The following CALN1 variants were observed in gnomAD, a reference collection of about 807,000 sequenced individuals.
The protein encoded by CALN1 is calcium-binding protein 8.
Under a neutral mutation model 30.6 loss-of-function variants are expected in CALN1, and 17 were observed. That is an observed-to-expected ratio of 0.56 (90% CI 0.38 to 0.83). The LOEUF is 0.83. CALN1 is among the 40% of genes least tolerant of loss of function. The pLI is 0.00. For missense variants in CALN1, 291 were observed against 354.9 expected, an observed-to-expected ratio of 0.82 and a Z score of 1.45; for synonymous variants, 156 against 131.4, an observed-to-expected ratio of 1.19 and a Z score of -1.28.
Position 71,979,869 on chromosome 7 carries a change from CTTTTTTTTTTT to C in CALN1, c.501+43777_501+43787del, listed in dbSNP as rs555621436. Among the ~76,000 whole-genome samples, 9 of 89,682 alleles carry C rather than the reference CTTTTTTTTTTT, an allele frequency of 1.0e-4. No homozygotes were observed. In the South Asian group the frequency reaches 3.5e-3, roughly 35 times the overall value. The allele number at this position is 89,682 out of a possible 152,430, so 58.8% of individuals were successfully genotyped here. ...ATAAAATCTCAGACACATCAGGATT[CTTTTTTTTTTT>C]TTTTTTTTTTTTTTTGAGACAGAGT... is the stretch of plus-strand genomic sequence containing the variant. On this transcript the variant is annotated intron_variant, in intron 5 of 6. Transcript: ENST00000395275.
At chr7:72,021,811 G>A (rs1185838762) in intron 5 of CALN1, among the ~76,000 whole-genome samples, 1 of 152,140 alleles carries the variant, frequency 6.6e-6, no homozygotes, top group Non-Finnish European at 1.5e-5. Flanking sequence ...TTTCAGCTGT[G>A]CATAGACTTC....
chr7:72,380,321 A>G (rs1804808773), intron 2 of CALN1, among the ~76,000 whole-genome samples: 1 of 152,182 alleles, frequency 6.6e-6, no homozygotes, highest in Admixed American at 6.6e-5. Flanking sequence ...ATTCTCAAAG[A>G]AAGAGCCTAT....
chr7:71,792,265 G>C (rs1279897521), intron 6 of CALN1, among the ~76,000 whole-genome samples: 2 of 152,124 alleles, frequency 1.3e-5, no homozygotes, highest in Admixed American at 6.6e-5. Context: ...GGGATAAACT[G>C]TAAGTCTAAG....
chr7:72,252,545 G>A (rs1441574612), intron 3 of CALN1, among the ~76,000 whole-genome samples: 2 of 151,462 alleles, frequency 1.3e-5, no homozygotes, highest in East Asian at 3.9e-4. Context: ...GTGGGTGGAG[G>A]TTGCAGTGGG....
chr7:71,915,568 T>C (rs1037665106), intron 5 of CALN1, among the ~76,000 whole-genome samples: 16 of 152,020 alleles, frequency 1.1e-4, no homozygotes, highest in Admixed American at 8.5e-4. Flanking sequence ...CTTGCCTCTA[T>C]TGAAAATACT....
At chr7:72,389,274 C>CA (rs1296201567) in intron 2 of CALN1, among the ~76,000 whole-genome samples, 1 of 152,304 alleles carries the variant, frequency 6.6e-6, no homozygotes, top group African/African-American at 2.4e-5. Context: ...GCCTCTTTCT[C>CA]ATTTTGCCCT....
chr7:71,899,665 A>C (rs1169662931), intron 5 of CALN1, among the ~76,000 whole-genome samples: 2 of 152,212 alleles, frequency 1.3e-5, no homozygotes, highest in African/African-American at 4.8e-5. Flanking sequence ...AATCACTCTA[A>C]AGTTCATATG....
intron 5 of CALN1, among the ~76,000 whole-genome samples, chr7:71,865,315 A>G (rs1791524597): frequency 2.0e-5 from 3 of 152,074 alleles, no homozygotes; most frequent in Admixed American, 1.3e-4. Flanking sequence ...TCCCCTCTCT[A>G]TCTCTTCCTC....
chr7:71,965,148 C>T (rs986924822), intron 5 of CALN1, among the ~76,000 whole-genome samples: 1 of 152,156 alleles, frequency 6.6e-6, no homozygotes, highest in African/African-American at 2.4e-5. Flanking sequence ...CTGCCTCCAC[C>T]TTCCAAGTAG....
At chr7:71,865,193 G>T (rs1005752911) in intron 5 of CALN1, among the ~76,000 whole-genome samples, 1 of 152,180 alleles carries the variant, frequency 6.6e-6, no homozygotes, top group African/African-American at 2.4e-5. Context: ...GGGTCTGGAG[G>T]AGATACTTGG....
intron 5 of CALN1, among the ~76,000 whole-genome samples, chr7:71,954,353 G>A (rs978918616): frequency 3.3e-5 from 5 of 152,120 alleles, no homozygotes; most frequent in African/African-American, 1.2e-4. Context: ...CCAGCTGCTA[G>A]GGAGGCTGAG....
chr7:72,280,778 G>A (rs1797680057), intron 2 of CALN1, among the ~76,000 whole-genome samples: 1 of 152,098 alleles, frequency 6.6e-6, no homozygotes, highest in Non-Finnish European at 1.5e-5. Flanking sequence ...GAGGTGATTA[G>A]GTCATGAGGA....
intron 3 of CALN1, among the ~76,000 whole-genome samples, chr7:72,222,757 A>C (rs978408714): frequency 1.3e-5 from 2 of 152,204 alleles, no homozygotes; most frequent in Admixed American, 1.3e-4. Flanking sequence ...GTGGTGGCTC[A>C]TACCTGTAAT....
chr7:71,944,594 C>CAAAAAAAAAAAAAAAAAAAAA (rs10677940), intron 5 of CALN1, among the ~76,000 whole-genome samples: 1 of 60,002 alleles, frequency 1.7e-5, no homozygotes, highest in Admixed American at 2.5e-4. Context: ...AACTCCATCC[C>CAAAAAAAAAAAAAAAAAAAAA]AAAAAAAAAA....
chr7:72,177,752 G>GAA lies in CALN1; in HGVS notation c.245-71460_245-71459dup, dbSNP rs71517077. ...TTCACTCCAGCCTGGGCGACAGAGG[G>GAA]AAAAAAAAAAAAAAAAAAGGACATT... On this transcript the variant is annotated intron_variant, in intron 3 of 6. Coordinates refer to ENST00000395275, the MANE Select transcript of CALN1 (RefSeq NM_031468.4). Among the ~76,000 whole-genome samples the GAA allele has an allele frequency of 7.9e-3, 1,044 of 132,064 alleles. 7 individuals carry two copies. Among genetic ancestry groups the GAA allele is most frequent in the Non-Finnish European group, 0.012 (746 of 62,248 alleles). 86.6% of individuals were successfully genotyped at this position (132,064 alleles called of 152,430 possible). A position where few individuals can be genotyped will look rare whatever the true frequency, so the allele number is the denominator to read the frequency against.
At chr7:72,354,103 C>T (rs1401642245) in intron 2 of CALN1, among the ~76,000 whole-genome samples, 1 of 152,164 alleles carries the variant, frequency 6.6e-6, no homozygotes, top group East Asian at 1.9e-4. Flanking sequence ...AAGAGAATCA[C>T]TTGAACCCAA....
chr7:72,353,237 C>A (rs1361075073), intron 2 of CALN1, among the ~76,000 whole-genome samples: 1 of 142,360 alleles, frequency 7.0e-6, no homozygotes, highest in Non-Finnish European at 1.6e-5. Context: ...CAGCTCAACT[C>A]ATTTTATGAG....
chr7:72,043,675 G>A (rs1285840628), intron 4 of CALN1, among the ~76,000 whole-genome samples: 1 of 152,146 alleles, frequency 6.6e-6, no homozygotes, highest in Non-Finnish European at 1.5e-5. Context: ...GGAGGTCGAG[G>A]CAGAAGGATC....
intron 5 of CALN1, among the ~76,000 whole-genome samples, chr7:71,937,131 A>T (rs903340817): frequency 6.6e-6 from 1 of 152,132 alleles, no homozygotes; most frequent in Non-Finnish European, 1.5e-5. Context: ...ACACGTAGGA[A>T]ACCCTGTCTC....
Sources: gnomAD v4.1 joint callset for allele counts (sites outside exome capture counted in the v4.1 genomes callset) on GRCh38, gnomAD v4.1.1 for gene constraint, MANE v1.5 for transcripts, NCBI Gene and HGNC (gene_info 2026-07-23, HGNC 2026-07-21) for gene names.